ME3: variants seen among roughly 807,000 people sequenced by gnomAD.
The protein encoded by ME3 is malic enzyme 3.
Under a neutral mutation model 68.9 loss-of-function variants are expected in ME3, and 48 were observed. That is an observed-to-expected ratio of 0.70 (90% CI 0.55 to 0.89). The LOEUF is 0.89. ME3 is among the 40% of genes least tolerant of loss of function. The pLI is 0.00. For missense variants in ME3, 675 were observed against 797.4 expected, an observed-to-expected ratio of 0.85 and a Z score of 1.85; for synonymous variants, 320 against 318.8, an observed-to-expected ratio of 1.00 and a Z score of -0.04.
At chr11:86,610,379 G>C (rs1463961451) in intron 2 of ME3, among the ~76,000 whole-genome samples, 2 of 152,088 alleles carry the variant, frequency 1.3e-5, no homozygotes, top group African/African-American at 4.8e-5. Context: ...GACCTCAAAG[G>C]AAAGAACCAT....
chr11:86,561,664 A>G (rs1326630965), intron 2 of ME3, among the ~76,000 whole-genome samples: 1 of 152,216 alleles, frequency 6.6e-6, no homozygotes. Context: ...TAATTGCTTA[A>G]TTTCAGTATA....
intron 2 of ME3, among the ~76,000 whole-genome samples, chr11:86,650,541 A>G (rs1234465157): frequency 6.6e-6 from 1 of 152,156 alleles, no homozygotes; most frequent in Non-Finnish European, 1.5e-5. Flanking sequence ...ATGGGAGAAA[A>G]TTTTTGCTAT....
downstream of ME3, among the ~76,000 whole-genome samples, chr11:86,437,704 C>CT: frequency 2.0e-5 from 3 of 152,114 alleles, no homozygotes; most frequent in South Asian, 6.2e-4. Context: ...AGTATCTTTT[C>CT]TTTTTGATGC....
intron 2 of ME3, among the ~76,000 whole-genome samples, chr11:86,604,521 G>C (rs1031541383): frequency 6.6e-6 from 1 of 152,100 alleles, no homozygotes; most frequent in African/African-American, 2.4e-5. Flanking sequence ...TTGTTCTGTT[G>C]AGAAACAACT....
intron 10 of ME3, 50 bp from the exon 11 acceptor site, chr11:86,448,305 T>TAGG: frequency 7.3e-7 from 1 of 1,373,530 alleles, no homozygotes; most frequent in Non-Finnish European, 1.0e-6. Flanking sequence ...GCCTGTTGGG[T>TAGG]AGGAGTACAG....
intron 2 of ME3, among the ~76,000 whole-genome samples, chr11:86,575,920 G>A (rs997250723): frequency 2.6e-5 from 4 of 152,196 alleles, no homozygotes; most frequent in African/African-American, 9.6e-5. Flanking sequence ...AAAGTGGAGT[G>A]TGAAATTGTG....
chr11:86,485,997 A>G (rs1388559347), intron 7 of ME3, among the ~76,000 whole-genome samples: 1 of 152,170 alleles, frequency 6.6e-6, no homozygotes, highest in East Asian at 1.9e-4. Context: ...ACTAGGTCCC[A>G]CTTCCTCTAT....
chr11:86,633,482 CCACTGAG>C (rs1944140922), intron 2 of ME3, among the ~76,000 whole-genome samples: 2 of 152,142 alleles, frequency 1.3e-5, no homozygotes, highest in Admixed American at 1.3e-4. Flanking sequence ...ATGCCACATT[CCACTGAG>C]CACATTAAAA....
chr11:86,619,241 G>A (rs1490586269), intron 2 of ME3, among the ~76,000 whole-genome samples: 3 of 152,180 alleles, frequency 2.0e-5, no homozygotes, highest in Non-Finnish European at 4.4e-5. Flanking sequence ...TTTCTTTATA[G>A]CAGTGCAAGA....
intron 4 of ME3, 121 bp downstream of exon 4, chr11:86,556,432 G>T: frequency 3.3e-6 from 4 of 1,207,940 alleles, no homozygotes; most frequent in Non-Finnish European, 4.5e-6. Flanking sequence ...ATGTCTTTTT[G>T]TTGGACCACT....
At chr11:86,508,496 C>T (rs1025364183) in intron 5 of ME3, among the ~76,000 whole-genome samples, 9 of 152,164 alleles carry the variant, frequency 5.9e-5, no homozygotes, top group East Asian at 5.8e-4. Context: ...TTTCTCTCTG[C>T]GTCTACCATG....
intron 6 of ME3, among the ~76,000 whole-genome samples, chr11:86,488,729 A>C (rs1017656471): frequency 6.6e-6 from 1 of 152,120 alleles, no homozygotes; most frequent in Non-Finnish European, 1.5e-5. Flanking sequence ...CTCATGTACT[A>C]TTGCTGACAC....
intron 2 of ME3, among the ~76,000 whole-genome samples, chr11:86,605,414 G>C (rs1020392183): frequency 1.3e-5 from 2 of 152,052 alleles, no homozygotes; most frequent in Non-Finnish European, 2.9e-5. Flanking sequence ...TATTGGTCCT[G>C]AAAAGCATTT....
intron 4 of ME3, among the ~76,000 whole-genome samples, chr11:86,519,942 G>T (rs1406442032): frequency 6.6e-6 from 1 of 152,298 alleles, no homozygotes; most frequent in African/African-American, 2.4e-5. Context: ...GGGATGGGGT[G>T]GCCACAGACA....
chr11:86,560,748 G>GTGTATGTT, intron 2 of ME3, among the ~76,000 whole-genome samples: 1 of 62,526 alleles, frequency 1.6e-5, no homozygotes. Context: ...GTGTGTGTGT[G>GTGTATGTT]TATATATATA....
chr11:86,577,095 T>C (rs1166692401), intron 2 of ME3, among the ~76,000 whole-genome samples: 3 of 152,134 alleles, frequency 2.0e-5, no homozygotes, highest in African/African-American at 4.8e-5. Context: ...CCCTCCCCTG[T>C]TCCCATTCTA....
rs866288755 is a variant in ME3, at chr11:86,537,086, T to C, written c.467+19467A>G. 9.4e-3 allele frequency among the ~76,000 whole-genome samples: 1,318 copies of C among 140,758 alleles called. 14 individuals are homozygous for C. The highest frequency in any genetic ancestry group is 0.033 in the African/African-American group (1,248 of 37,266). 92.3% of individuals were successfully genotyped at this position (140,758 alleles called of 152,430 possible). ...TCACTCATAGGTGGGAATTGAACAA[T>C]GAGATCACATGGACACAGGAAGGGG... On this transcript the variant is annotated intron_variant, in intron 4 of 14. Coordinates refer to ENST00000543262, the Ensembl canonical transcript of ME3.
chr11:86,596,784 T>C (rs1426218374), intron 2 of ME3, among the ~76,000 whole-genome samples: 1 of 152,226 alleles, frequency 6.6e-6, no homozygotes, highest in Non-Finnish European at 1.5e-5. Flanking sequence ...TTATTCTATG[T>C]GTAACTCATT....
intron 2 of ME3, among the ~76,000 whole-genome samples, chr11:86,670,961 A>AG (rs1251201435): frequency 6.6e-6 from 1 of 152,184 alleles, no homozygotes; most frequent in Admixed American, 6.5e-5. Context: ...TTGAGGAGGT[A>AG]GGGGGAGACA....
Sources: allele counts gnomAD v4.1 joint callset (sites outside exome capture counted in the v4.1 genomes callset), GRCh38; gene constraint gnomAD v4.1.1; transcripts MANE v1.5; gene names NCBI Gene and HGNC (gene_info 2026-07-23, HGNC 2026-07-21).